GAS7: variants seen among roughly 807,000 people sequenced by gnomAD.
The protein encoded by GAS7 is growth arrest-specific protein 7.
In GAS7, 28 loss-of-function variants were observed where a neutral mutation model predicts 71.1. That is an observed-to-expected ratio of 0.39 (90% CI 0.29 to 0.54). GAS7 has a LOEUF of 0.54. Among genes scored for constraint, GAS7 ranks in the 20% least tolerant of loss-of-function variants. The probability of loss-of-function intolerance (pLI) is 0.62; values close to 1 mark genes in which losing one functional copy is unlikely to be tolerated. For missense variants in GAS7, 436 were observed against 627.8 expected (o/e 0.69, Z 3.27); for synonymous variants, 258 against 245.8 (o/e 1.05, Z -0.46).
intron 1 of GAS7, among the ~76,000 whole-genome samples, chr17:10,182,091 G>A (rs1279575885): frequency 6.6e-6 from 1 of 152,138 alleles, no homozygotes; most frequent in African/African-American, 2.4e-5. Context: ...ATATAATCAA[G>A]AAATAACAGT....
At chr17:10,196,627 C>T (rs1242199808) in intron 1 of GAS7, among the ~76,000 whole-genome samples, 1 of 152,144 alleles carries the variant, frequency 6.6e-6, no homozygotes, top group Non-Finnish European at 1.5e-5. Context: ...TAACACCTAC[C>T]CAGCCTCACC....
At chr17:10,197,858 A>T (rs1416472776) in intron 1 of GAS7, among the ~76,000 whole-genome samples, 1 of 152,146 alleles carries the variant, frequency 6.6e-6, no homozygotes, top group Non-Finnish European at 1.5e-5. Flanking sequence ...GCCTCTTCCC[A>T]AGACCGCCAG....
intron 1 of GAS7, among the ~76,000 whole-genome samples, chr17:10,124,105 C>T (rs1011845955): frequency 1.3e-5 from 2 of 152,234 alleles, no homozygotes; most frequent in African/African-American, 4.8e-5. Context: ...TGAATGGGGG[C>T]CCCTGAGGAG....
chr17:10,080,247 C>G (rs985642901), intron 1 of GAS7, among the ~76,000 whole-genome samples: 1 of 152,120 alleles, frequency 6.6e-6, no homozygotes, highest in South Asian at 2.1e-4. Flanking sequence ...AGAGACATTC[C>G]CACCAGCACC....
At chr17:10,003,362 T>C (rs1219028185) in intron 2 of GAS7, among the ~76,000 whole-genome samples, 3 of 152,194 alleles carry the variant, frequency 2.0e-5, no homozygotes, top group Admixed American at 6.5e-5. Context: ...TACAGTAATA[T>C]TGATTATGAA....
chr17:10,160,574 G>A (rs149597370), intron 1 of GAS7, among the ~76,000 whole-genome samples: 94 of 152,190 alleles, frequency 6.2e-4, no homozygotes, highest in African/African-American at 2.2e-3. Context: ...GTCTCTCCAC[G>A]GCATACCAAA....
At chr17:10,019,166 A>T (rs1201443715) in intron 2 of GAS7, among the ~76,000 whole-genome samples, 1 of 152,126 alleles carries the variant, frequency 6.6e-6, no homozygotes, top group Non-Finnish European at 1.5e-5. Flanking sequence ...TATTGGGGTC[A>T]TTGAGGTGTG....
intron 1 of GAS7, among the ~76,000 whole-genome samples, chr17:10,086,302 C>T (rs2152253869): frequency 6.6e-6 from 1 of 152,278 alleles, no homozygotes; most frequent in Admixed American, 6.5e-5. Context: ...TGCAGGAGTC[C>T]CGTCCACAGT....
intron 1 of GAS7, among the ~76,000 whole-genome samples, chr17:10,075,622 C>G (rs2073381981): frequency 6.6e-6 from 1 of 151,792 alleles, no homozygotes; most frequent in Non-Finnish European, 1.5e-5. Flanking sequence ...TAGCGAGACC[C>G]TACGTCTGCA....
chr17:9,938,855 T>C (rs185023673), intron 8 of GAS7, among the ~76,000 whole-genome samples: 2 of 152,334 alleles, frequency 1.3e-5, no homozygotes, highest in East Asian at 1.9e-4. Context: ...GCATTTTACA[T>C]AAATGGAATC....
intron 1 of GAS7, among the ~76,000 whole-genome samples, chr17:10,099,020 T>C (rs988190212): frequency 9.9e-5 from 15 of 152,170 alleles, no homozygotes; most frequent in African/African-American, 3.6e-4. Flanking sequence ...GTTGTGGCCA[T>C]GGGCATGGAG....
chr17:9,970,369 T>C (rs1483982881), intron 3 of GAS7, among the ~76,000 whole-genome samples: 3 of 152,130 alleles, frequency 2.0e-5, no homozygotes, highest in Non-Finnish European at 2.9e-5. Flanking sequence ...GGGGCTCATG[T>C]CTGTAATCCC....
intron 1 of GAS7, among the ~76,000 whole-genome samples, chr17:10,118,614 G>A (rs563699011): frequency 3.6e-5 from 5 of 140,454 alleles, no homozygotes; most frequent in African/African-American, 1.0e-4. Context: ...TGAGGCAGGA[G>A]AATCATTTGA....
In GAS7 at chr17:9,974,461, A is replaced by G. The variant is rs569639345; in HGVS notation, c.386-4699T>C. ...TCCAGCCTCTGGGGGAAGAAAAATG[A>G]AATTGGTCAAGGATCGCTCATAAAG... On this transcript the variant is annotated intron_variant, in intron 3 of 13. Transcript: ENST00000432992. The surrounding 1 kb of genome is among the most constrained non-coding windows in gnomAD (Gnocchi z 4.0). Among the ~76,000 whole-genome samples, 42 of 122,172 alleles carry G rather than the reference A, an allele frequency of 3.4e-4. 1 individual carries two copies. Among genetic ancestry groups the G allele is most frequent in the African/African-American group, 1.0e-3 (39 of 38,756 alleles). The allele number at this position is 122,172 out of a possible 152,430, so 80.1% of individuals were successfully genotyped here.
At chr17:10,126,318 C>CCA (rs1268848919) in intron 1 of GAS7, among the ~76,000 whole-genome samples, 31 of 131,916 alleles carry the variant, frequency 2.3e-4, no homozygotes, top group Non-Finnish European at 5.1e-5. Flanking sequence ...TGTGTGCATG[C>CCA]CACACACACA....
chr17:10,193,398 C>T (rs1166183849), intron 1 of GAS7, among the ~76,000 whole-genome samples: 1 of 152,098 alleles, frequency 6.6e-6, no homozygotes, highest in Non-Finnish European at 1.5e-5. Flanking sequence ...ATCATCTGTC[C>T]CATGTATGTT....
intron 1 of GAS7, among the ~76,000 whole-genome samples, chr17:10,069,854 A>G (rs1447440554): frequency 6.6e-6 from 1 of 152,224 alleles, no homozygotes; most frequent in Non-Finnish European, 1.5e-5. Context: ...CCAGAAATCT[A>G]TAATAACCAT....
chr17:9,949,357 A>G (rs1430936027), intron 5 of GAS7, among the ~76,000 whole-genome samples: 1 of 152,232 alleles, frequency 6.6e-6, no homozygotes. Context: ...TCCATTTTTA[A>G]GTGTTGGCAA....
At chr17:10,183,796 A>C (rs2074433558) in intron 1 of GAS7, among the ~76,000 whole-genome samples, 2 of 151,820 alleles carry the variant, frequency 1.3e-5, no homozygotes, top group Admixed American at 6.6e-5. Flanking sequence ...GAGCTGAGAT[A>C]GCGCCACTGC....
Sources: gnomAD v4.1 joint callset for allele counts (sites outside exome capture counted in the v4.1 genomes callset) on GRCh38, gnomAD v4.1.1 for gene constraint, Gnocchi (gnomAD v3.1) non-coding constraint, MANE v1.5 for transcripts, NCBI Gene and HGNC (gene_info 2026-07-23, HGNC 2026-07-21) for gene names.